Variants in JARID2 observed in about 807,000 individuals in gnomAD.
The protein encoded by JARID2 is jumonji and AT-rich interaction domain containing 2, also known as protein Jumonji.
JARID2 carries 21 observed loss-of-function variants against 125.6 expected under a neutral mutation model. The observed-to-expected ratio is 0.17, with a 90% confidence interval of 0.12 to 0.24. The LOEUF is 0.24. JARID2 is among the 10% of genes least tolerant of loss of function. The pLI is 1.00. For synonymous variants in JARID2, 736 were observed against 661.6 expected, an observed-to-expected ratio of 1.11 and a Z score of -1.73; for missense variants, 1,303 against 1,639.6, an observed-to-expected ratio of 0.79 and a Z score of 3.55.
chr6:15,393,433 G>C (rs1482939737), intron 2 of JARID2, among the ~76,000 whole-genome samples: 1 of 152,202 alleles, frequency 6.6e-6, no homozygotes, highest in East Asian at 1.9e-4. Context: ...CCATCATTGA[G>C]TAATTCTCTT....
At chr6:15,286,372 C>T (rs902969685) in intron 1 of JARID2, among the ~76,000 whole-genome samples, 12 of 151,400 alleles carry the variant, frequency 7.9e-5, no homozygotes, top group African/African-American at 1.5e-4. Context: ...CTGCCTCAGC[C>T]GCCCGAGTAG....
At position 15,363,494 on chromosome 6, in the gene JARID2, T is replaced by C. The variant is rs377276582; in HGVS notation, c.46-10623T>C. On this transcript the variant is annotated intron_variant, in intron 1 of 17. Coordinates refer to ENST00000341776, the MANE Select transcript of JARID2 (RefSeq NM_004973.4). ...ATCCAGGCTTCTTTGTACCTCTCAC[T>C]CTTTCCACCTGCCACCTGTTTCCCT... is the stretch of plus-strand genomic sequence containing the variant. Among the ~76,000 whole-genome samples, 3 of 152,302 alleles carry C rather than the reference T, an allele frequency of 2.0e-5. 1 individual carries two copies. Among genetic ancestry groups the C allele is most frequent in the African/African-American group, 7.2e-5 (3 of 41,566 alleles).
At chr6:15,381,785 A>G (rs897239226) in intron 2 of JARID2, among the ~76,000 whole-genome samples, 2 of 152,178 alleles carry the variant, frequency 1.3e-5, no homozygotes, top group Admixed American at 1.3e-4. Context: ...TACTTTGGTC[A>G]AGTCCTAATA....
intron 1 of JARID2, among the ~76,000 whole-genome samples, chr6:15,261,220 G>C (rs1177298964): frequency 6.6e-6 from 1 of 151,826 alleles, no homozygotes; most frequent in East Asian, 1.9e-4. Flanking sequence ...AAAGGACGAT[G>C]TCACTTTGCT....
At chr6:15,292,820 C>A (rs1761277204) in intron 1 of JARID2, among the ~76,000 whole-genome samples, 1 of 152,158 alleles carries the variant, frequency 6.6e-6, no homozygotes, top group African/African-American at 2.4e-5. Context: ...GTGTGCGCCA[C>A]CATTCCCAGC....
At position 15,485,439 on chromosome 6, in the gene JARID2, G is replaced by A. The variant is rs1769821455; in HGVS notation, c.671-1868G>A. 2.0e-5 allele frequency among the ~76,000 whole-genome samples: 3 copies of A among 152,224 alleles called. No individual in the cohort carries two copies. The South Asian group carries it at 6.2e-4, about 32-fold the overall frequency. ...TGATGAAAGGGTGCATGCAAAGTTG[G>A]TTTGAAGGGAGAGAGAAAATCTGGA... On this transcript the variant is annotated intron_variant, in intron 5 of 17. Transcript: ENST00000341776.
chr6:15,508,474 G>A lies in JARID2; in HGVS notation c.2846+20G>A, dbSNP rs765623287. On this transcript the variant is annotated intron_variant, in intron 12 of 17. Transcript: ENST00000341776. ...CATTTGGTGAGTACTGGCCCCAGGCGGGAAGGGAGGGACTGCAGAAACTAC... is the reference window on the plus strand; with the variant it reads ...CATTTGGTGAGTACTGGCCCCAGGCAGGAAGGGAGGGACTGCAGAAACTAC... 9.5e-6 allele frequency: 12 copies of A among 1,265,908 alleles called. No homozygotes were observed. The East Asian group carries it at 1.2e-4, about 12-fold the overall frequency. 78.4% of individuals were successfully genotyped at this position (1,265,908 alleles called of 1,614,324 possible). A position where few individuals can be genotyped will look rare whatever the true frequency, so the allele number is the denominator to read the frequency against.
intron 1 of JARID2, among the ~76,000 whole-genome samples, chr6:15,324,198 GA>G (rs765988530): frequency 0.017 from 2,371 of 140,030 alleles, 30 homozygotes; most frequent in African/African-American, 0.019. Flanking sequence ...AAAAAAACTG[GA>G]AAAAAAAAAA....
chr6:15,310,962 C>G (rs1761988868), intron 1 of JARID2, among the ~76,000 whole-genome samples: 1 of 152,148 alleles, frequency 6.6e-6, no homozygotes, highest in African/African-American at 2.4e-5. Context: ...TGCCCAGTCC[C>G]TGTGTGGGAA....
intron 1 of JARID2, among the ~76,000 whole-genome samples, chr6:15,256,594 A>G (rs1561750020): frequency 6.6e-6 from 1 of 152,010 alleles, no homozygotes; most frequent in Non-Finnish European, 1.5e-5. Flanking sequence ...CCACCCATCC[A>G]CTTCACACAT....
At chr6:15,493,743 A>G (rs1412919278) in intron 6 of JARID2, among the ~76,000 whole-genome samples, 2 of 152,014 alleles carry the variant, frequency 1.3e-5, no homozygotes. Flanking sequence ...GTTTTTCTAA[A>G]TGTTTTGTCT....
At chr6:15,444,052 G>A (rs1181420443) in intron 3 of JARID2, among the ~76,000 whole-genome samples, 4 of 152,050 alleles carry the variant, frequency 2.6e-5, no homozygotes. Flanking sequence ...GCGGTTTTTT[G>A]CATAAACAAA....
At chr6:15,456,837 A>G (rs1581590531) in intron 4 of JARID2, among the ~76,000 whole-genome samples, 1 of 125,406 alleles carries the variant, frequency 8.0e-6, no homozygotes, top group South Asian at 2.5e-4. Context: ...TACTTTAATA[A>G]TTTTATTTCC....
chr6:15,354,857 A>G (rs149678736), intron 1 of JARID2, among the ~76,000 whole-genome samples: 2 of 152,340 alleles, frequency 1.3e-5, no homozygotes, highest in African/African-American at 2.4e-5. Context: ...ACTGGGGTAT[A>G]GGTTGGTCAG....
At chr6:15,315,644 G>A (rs1762155239) in intron 1 of JARID2, among the ~76,000 whole-genome samples, 1 of 152,190 alleles carries the variant, frequency 6.6e-6, no homozygotes, top group Admixed American at 6.5e-5. Flanking sequence ...GCTTCAGGTG[G>A]CTTTTAGGCT....
chr6:15,495,657 G>A (rs535190304), intron 6 of JARID2, among the ~76,000 whole-genome samples: 12 of 152,302 alleles, frequency 7.9e-5, no homozygotes, highest in African/African-American at 2.6e-4. Context: ...GCTATGTGGA[G>A]CACAGAAATA....
At chr6:15,263,110 GT>G (rs1254293514) in intron 1 of JARID2, among the ~76,000 whole-genome samples, 7 of 137,762 alleles carry the variant, frequency 5.1e-5, no homozygotes, top group African/African-American at 1.6e-4. Context: ...GTGTGTGTGT[GT>G]GTGTGTGGTA....
At chr6:15,323,210 C>T (rs1762416269) in intron 1 of JARID2, among the ~76,000 whole-genome samples, 1 of 152,240 alleles carries the variant, frequency 6.6e-6, no homozygotes, top group Non-Finnish European at 1.5e-5. Flanking sequence ...AGCCTGGTTT[C>T]CCAAATGCAT....
At chr6:15,385,752 A>G (rs926879380) in intron 2 of JARID2, among the ~76,000 whole-genome samples, 1 of 152,006 alleles carries the variant, frequency 6.6e-6, no homozygotes, top group Non-Finnish European at 1.5e-5. Flanking sequence ...TCTTGTTGCC[A>G]TGCTGTGGAT....
Sources: gnomAD v4.1 joint callset for allele counts (sites outside exome capture counted in the v4.1 genomes callset) on GRCh38, gnomAD v4.1.1 for gene constraint, MANE v1.5 for transcripts, NCBI Gene and HGNC (gene_info 2026-07-23, HGNC 2026-07-21) for gene names.